PABPC4L: variants seen among roughly 807,000 people sequenced by gnomAD.
The protein encoded by PABPC4L is poly(A) binding protein cytoplasmic 4 like.
For missense variants in PABPC4L, 452 were observed against 451.4 expected, an observed-to-expected ratio of 1.00 and a Z score of -0.01; for synonymous variants, 169 against 164.1, an observed-to-expected ratio of 1.03 and a Z score of -0.23.
At chr4:134,177,284 C>A in the PABPC4L span, among the ~76,000 whole-genome samples, 150 of 149,392 alleles carry the variant, frequency 1.0e-3, no homozygotes, top group Middle Eastern at 7.2e-3. Flanking sequence ...GGGTTCAATT[C>A]TCCTGCTTTG....
the PABPC4L span, among the ~76,000 whole-genome samples, chr4:134,027,787 G>A: frequency 6.6e-6 from 1 of 152,030 alleles, no homozygotes; most frequent in African/African-American, 2.4e-5. Flanking sequence ...ATTACAAATT[G>A]TCAATTTACA....
chr4:134,158,956 T>C, the PABPC4L span, among the ~76,000 whole-genome samples: 1 of 152,174 alleles, frequency 6.6e-6, no homozygotes, highest in African/African-American at 2.4e-5. Context: ...TGTAGGTAAT[T>C]GTAACACAAT....
the PABPC4L span, among the ~76,000 whole-genome samples, chr4:134,119,449 G>A: frequency 6.6e-6 from 1 of 151,512 alleles, no homozygotes; most frequent in Non-Finnish European, 1.5e-5. Context: ...GTTGCCTTGA[G>A]GGTGTGGGGG....
At chr4:134,170,583 C>T in the PABPC4L span, among the ~76,000 whole-genome samples, 2 of 152,022 alleles carry the variant, frequency 1.3e-5, no homozygotes, top group Admixed American at 1.3e-4. Context: ...CAAGGTGCCT[C>T]ACATGGTGGA....
the PABPC4L span, among the ~76,000 whole-genome samples, chr4:134,067,494 A>T: frequency 6.6e-6 from 1 of 152,008 alleles, no homozygotes; most frequent in Non-Finnish European, 1.5e-5. Context: ...GGACTCATTA[A>T]TTTTTATATG....
At chr4:134,072,893 A>G in the PABPC4L span, among the ~76,000 whole-genome samples, 1 of 152,148 alleles carries the variant, frequency 6.6e-6, no homozygotes, top group Non-Finnish European at 1.5e-5. Flanking sequence ...CACTATCACA[A>G]GAACAGCATG....
At chr4:133,971,348 T>C in the PABPC4L span, among the ~76,000 whole-genome samples, 28 of 151,974 alleles carry the variant, frequency 1.8e-4, no homozygotes, top group Admixed American at 1.8e-3. Context: ...CCTGACTTCG[T>C]GATCCGCCCG....
the PABPC4L span, among the ~76,000 whole-genome samples, chr4:134,045,076 A>G: frequency 6.6e-6 from 1 of 152,148 alleles, no homozygotes; most frequent in Non-Finnish European, 1.5e-5. Context: ...CGCAAGAGGA[A>G]ATTAAATAAA....
chr4:134,098,484 G>T, the PABPC4L span, among the ~76,000 whole-genome samples: 570 of 151,530 alleles, frequency 3.8e-3, 2 homozygotes, highest in African/African-American at 0.013. Flanking sequence ...CATCAATATT[G>T]GTGGTAAAGA....
chr4:134,064,334 T>C, the PABPC4L span, among the ~76,000 whole-genome samples: 2,548 of 152,124 alleles, frequency 0.017, 36 homozygotes, highest in Non-Finnish European at 0.025. Flanking sequence ...GGACACCTTA[T>C]TATTAAAATC....
the PABPC4L span, among the ~76,000 whole-genome samples, chr4:134,071,884 A>T: frequency 6.6e-6 from 1 of 152,178 alleles, no homozygotes; most frequent in Non-Finnish European, 1.5e-5. Flanking sequence ...AATCCTCAGC[A>T]ATCCAGACAG....
the PABPC4L span, among the ~76,000 whole-genome samples, chr4:134,156,836 G>A: frequency 6.6e-5 from 10 of 151,802 alleles, no homozygotes; most frequent in South Asian, 2.1e-4. Flanking sequence ...AATTCAAATC[G>A]TCTGAAAGTT....
the PABPC4L span, among the ~76,000 whole-genome samples, chr4:134,142,970 T>C: frequency 6.6e-6 from 1 of 151,632 alleles, no homozygotes; most frequent in African/African-American, 2.4e-5. Context: ...TCTAGTCTAG[T>C]CAGTGGCTCT....
chr4:134,135,584 G>A, the PABPC4L span, among the ~76,000 whole-genome samples: 2 of 152,048 alleles, frequency 1.3e-5, no homozygotes, highest in Non-Finnish European at 2.9e-5. Flanking sequence ...CGTAATCCCG[G>A]CACTTGGGAG....
At chr4:133,954,231 G>A in the PABPC4L span, among the ~76,000 whole-genome samples, 22 of 152,122 alleles carry the variant, frequency 1.4e-4, no homozygotes, top group African/African-American at 5.3e-4. Flanking sequence ...GACATATGTC[G>A]GGGGAAAGCA....
At chr4:134,147,747 GTGTGT>G in the PABPC4L span, among the ~76,000 whole-genome samples, 12 of 87,778 alleles carry the variant, frequency 1.4e-4, no homozygotes, top group Middle Eastern at 4.9e-3. Flanking sequence ...GTGTGTGTGT[GTGTGT>G]TGTTGTTGTT....
the PABPC4L span, among the ~76,000 whole-genome samples, chr4:134,014,426 C>T: frequency 6.6e-6 from 1 of 152,208 alleles, no homozygotes; most frequent in Non-Finnish European, 1.5e-5. Context: ...TCCAGAACTG[C>T]CTCCCCCAGG....
At chr4:133,984,795 C>T in the PABPC4L span, among the ~76,000 whole-genome samples, 2 of 151,694 alleles carry the variant, frequency 1.3e-5, no homozygotes, top group East Asian at 1.9e-4. Context: ...AAAATGACAG[C>T]GAGATTAGAG....
the PABPC4L span, among the ~76,000 whole-genome samples, chr4:134,015,663 C>A: frequency 6.6e-6 from 1 of 152,194 alleles, no homozygotes; most frequent in Admixed American, 6.5e-5. Flanking sequence ...TCTCCCAAAC[C>A]TCAATCCCTT....
Sources: allele counts gnomAD v4.1 joint callset (sites outside exome capture counted in the v4.1 genomes callset), GRCh38; gene constraint gnomAD v4.1.1; transcripts MANE v1.5; gene names NCBI Gene and HGNC (gene_info 2026-07-23, HGNC 2026-07-21).